The following COP1 variants were observed in gnomAD, a reference collection of about 807,000 sequenced individuals.
COP1 encodes E3 ubiquitin-protein ligase COP1.
COP1 carries 24 observed loss-of-function variants against 101.3 expected under a neutral mutation model. That is an observed-to-expected ratio of 0.24 (90% CI 0.17 to 0.33). The LOEUF is 0.33. COP1 is among the 10% of genes least tolerant of loss of function. COP1 has a pLI of 1.00. For missense variants in COP1, 663 were observed against 906.2 expected (o/e 0.73, Z 3.45); for synonymous variants, 347 against 341.9 (o/e 1.01, Z -0.17).
intron 15 of COP1, among the ~76,000 whole-genome samples, chr1:176,008,355 T>C (rs1033281059): frequency 2.0e-5 from 3 of 152,222 alleles, no homozygotes; most frequent in African/African-American, 4.8e-5. Context: ...TATTCGGCCA[T>C]CTTTGCTCCT....
At chr1:176,033,082 T>A (rs1176960435) in intron 14 of COP1, among the ~76,000 whole-genome samples, 1 of 152,054 alleles carries the variant, frequency 6.6e-6, no homozygotes, top group African/African-American at 2.4e-5. Context: ...GACTTCACAG[T>A]TGTCACTTGT....
chr1:176,161,211 T>G (rs1226066237), intron 5 of COP1, among the ~76,000 whole-genome samples: 4 of 152,246 alleles, frequency 2.6e-5, no homozygotes, highest in Non-Finnish European at 4.4e-5. Flanking sequence ...TATTTATTTT[T>G]GCCTCTTTAA....
chr1:176,054,565 C>G (rs1673123375), intron 11 of COP1, among the ~76,000 whole-genome samples: 3 of 152,174 alleles, frequency 2.0e-5, no homozygotes. Flanking sequence ...AGTATTTATA[C>G]CAACATATTT....
chr1:176,092,947 T>C (rs1367084132), intron 9 of COP1, among the ~76,000 whole-genome samples: 1 of 152,200 alleles, frequency 6.6e-6, no homozygotes, highest in Non-Finnish European at 1.5e-5. Flanking sequence ...GTGCATGTAA[T>C]GTATACAGAT....
At chr1:176,205,489 C>G (rs1446606023) in intron 1 of COP1, among the ~76,000 whole-genome samples, 1 of 152,198 alleles carries the variant, frequency 6.6e-6, no homozygotes, top group East Asian at 1.9e-4. Flanking sequence ...CATCTTCAAC[C>G]CTGATCTGAA....
chr1:175,994,287 A>G (rs1388620718), intron 15 of COP1, among the ~76,000 whole-genome samples: 1 of 152,252 alleles, frequency 6.6e-6, no homozygotes, highest in African/African-American at 2.4e-5. Context: ...CCACTGCAAA[A>G]TCATGCCAAA....
intron 18 of COP1, among the ~76,000 whole-genome samples, chr1:175,984,283 C>A (rs974025453): frequency 6.6e-6 from 1 of 152,182 alleles, no homozygotes; most frequent in Non-Finnish European, 1.5e-5. Flanking sequence ...GCCGCTCCAG[C>A]CATGACTAAA....
At chr1:175,995,077 C>T (rs1372926026) in intron 15 of COP1, among the ~76,000 whole-genome samples, 6 of 152,182 alleles carry the variant, frequency 3.9e-5, no homozygotes, top group Non-Finnish European at 7.3e-5. Flanking sequence ...AACTAGAACT[C>T]AGGATTAAGA....
At chr1:176,188,344 T>C (rs1169639101) in intron 1 of COP1, among the ~76,000 whole-genome samples, 1 of 152,040 alleles carries the variant, frequency 6.6e-6, no homozygotes, top group East Asian at 1.9e-4. Context: ...TCTCAGAAAC[T>C]ACAGAAATGA....
intron 11 of COP1, among the ~76,000 whole-genome samples, chr1:176,064,473 A>G (rs1322766765): frequency 6.6e-6 from 1 of 152,204 alleles, no homozygotes. Context: ...TACTACCTTC[A>G]TATGAATACA....
chr1:175,968,969 G>GA (rs974488331), intron 18 of COP1, among the ~76,000 whole-genome samples: 1 of 152,074 alleles, frequency 6.6e-6, no homozygotes, highest in Non-Finnish European at 1.5e-5. Flanking sequence ...AGTATGAGGG[G>GA]AAAAAAATGA....
At chr1:176,116,703 A>G in intron 8 of COP1, 22 bp from the exon 9 acceptor site, 1 of 1,546,154 alleles carries the variant, frequency 6.5e-7, no homozygotes, top group Non-Finnish European at 8.9e-7. Flanking sequence ...AGAGAAAAAA[A>G]TGTGATTTCA....
Position 175,987,060 on chromosome 1 carries a change from A to C in COP1, c.2016T>G (p.Ser672=). The change falls in exon 18 of 20, where the codon TCT becomes TCG. Residue 672 remains serine (S), a synonymous_variant. Transcript: ENST00000367669. The part of the protein sequence containing the change: ...NSLYLYYKGL[S]KTLLTFKFDT... The stretch of plus-strand genomic sequence containing the variant: ...CAAACTTAAAAGTTAGCAAAGTCTT[A>C]GAAAGTCCTTTATAGTACAGGTAGA... 1 of 1,585,030 alleles carries C rather than the reference A, an allele frequency of 6.3e-7. No individual in the cohort carries two copies. The highest frequency in any genetic ancestry group is 8.7e-7 in the Non-Finnish European group (1 of 1,155,472).
intron 15 of COP1, among the ~76,000 whole-genome samples, chr1:175,997,964 G>A (rs567065847): frequency 1.3e-3 from 187 of 148,734 alleles, no homozygotes; most frequent in African/African-American, 3.7e-3. Context: ...TGTTTATTGC[G>A]GCACTACTTA....
chr1:176,043,141 A>G, intron 14 of COP1, 45 bp downstream of exon 14: 1 of 1,143,904 alleles, frequency 8.7e-7, no homozygotes, highest in Non-Finnish European at 1.3e-6. Flanking sequence ...TACAGTTAAG[A>G]GGGCCAGGGA....
intron 5 of COP1, among the ~76,000 whole-genome samples, chr1:176,151,933 C>A (rs1030993203): frequency 1.3e-5 from 2 of 150,420 alleles, no homozygotes; most frequent in Non-Finnish European, 3.0e-5. Context: ...AAGAGTAGAA[C>A]AACTGCCATT....
In COP1 at chr1:175,947,187, T is replaced by G; in HGVS notation, c.2178+8A>C. 1 of 1,591,274 alleles carries G rather than the reference T, an allele frequency of 6.3e-7. No homozygotes were observed. On this transcript the variant is annotated splice_region_variant and intron_variant, in intron 19 of 19. Coordinates refer to ENST00000367669, the MANE Select transcript of COP1 (RefSeq NM_022457.7). ...GAGTTTAAAATGGAGATATAGTAAA[T>G]AGCTTACCTTAATTGTACCCTGACT...
Position 176,119,429 on chromosome 1 carries a change from T to C in COP1, c.969-2748A>G, listed in dbSNP as rs977448248. On this transcript the variant is annotated intron_variant, in intron 8 of 19. Coordinates refer to ENST00000367669, the MANE Select transcript of COP1 (RefSeq NM_022457.7). ...GTGTATACAGTGATATAATTCTACA[T>C]TTCAAATATATGTTAAAAAATACTC... Among the ~76,000 whole-genome samples, 4 of 152,190 alleles carry C rather than the reference T, an allele frequency of 2.6e-5. No individual in the cohort carries two copies. The South Asian group carries it at 6.2e-4, about 24-fold the overall frequency.
At chr1:175,952,785 T>C (rs1307702492) in intron 18 of COP1, among the ~76,000 whole-genome samples, 1 of 150,618 alleles carries the variant, frequency 6.6e-6, no homozygotes, top group Non-Finnish European at 1.5e-5. Context: ...TGGTGATGCA[T>C]GCATGCCTCT....
Sources: allele counts gnomAD v4.1 joint callset (sites outside exome capture counted in the v4.1 genomes callset), GRCh38; gene constraint gnomAD v4.1.1; transcripts MANE v1.5; gene names NCBI Gene and HGNC (gene_info 2026-07-23, HGNC 2026-07-21).